Variants in PPP2CA observed in about 807,000 individuals in gnomAD.
PPP2CA encodes the protein serine/threonine-protein phosphatase 2A catalytic subunit alpha isoform.
PPP2CA carries 5 observed loss-of-function variants against 38.8 expected under a neutral mutation model. The ratio of observed to expected loss-of-function variants is 0.13; its 90% CI spans 0.07 to 0.27. The LOEUF is 0.27. Ranked by LOEUF, PPP2CA falls within the 10% of genes least tolerant of loss-of-function variation. PPP2CA has a pLI of 1.00. For synonymous variants in PPP2CA, 152 were observed against 134.0 expected (o/e 1.13, Z -0.93); for missense variants, 88 against 389.7 (o/e 0.23, Z 6.52).
intron 1 of PPP2CA, among the ~76,000 whole-genome samples, chr5:134,212,814 T>C (rs1277741715): frequency 6.6e-6 from 1 of 152,212 alleles, no homozygotes; most frequent in Non-Finnish European, 1.5e-5. Flanking sequence ...AAAGTTTTAG[T>C]GGTCTGGATA....
chr5:134,223,530 C>T (rs1041688523), intron 1 of PPP2CA, among the ~76,000 whole-genome samples: 2 of 152,194 alleles, frequency 1.3e-5, no homozygotes, highest in Non-Finnish European at 2.9e-5. Flanking sequence ...TATATAACAC[C>T]TACTCTCAAA....
At chr5:134,225,486 CT>C in intron 1 of PPP2CA, 1 of 398,078 alleles carries the variant, frequency 2.5e-6, no homozygotes, top group Non-Finnish European at 4.6e-6. Context: ...TCCGCTCCCC[CT>C]GCCACCTCGT....
rs1761878951 is a variant in PPP2CA at position 134,197,487 on chromosome 5, T to C, written c.*285A>G. The C allele has an allele frequency of 2.5e-6, 1 of 397,780 alleles. No homozygotes were observed. Among genetic ancestry groups the C allele is most frequent in the African/African-American group, 2.0e-5 (1 of 50,706 alleles). The allele number at this position is 397,780 out of a possible 1,614,324, so 24.6% of individuals were successfully genotyped here. A position where few individuals can be genotyped will look rare whatever the true frequency, so the allele number is the denominator to read the frequency against. On this transcript the variant is annotated 3_prime_UTR_variant, in exon 7 of 7. Coordinates refer to ENST00000481195, the MANE Select transcript of PPP2CA (RefSeq NM_002715.4). Reference sequence around the variant, plus strand: ...AATGTTTACATCTTATTATCTGCAGTCTCTCAGAGAAAGCAAAAGTAACTA... The same window carrying C: ...AATGTTTACATCTTATTATCTGCAGCCTCTCAGAGAAAGCAAAAGTAACTA...
At chr5:134,211,992 C>T (rs981317701) in intron 1 of PPP2CA, among the ~76,000 whole-genome samples, 1 of 152,052 alleles carries the variant, frequency 6.6e-6, no homozygotes, top group Non-Finnish European at 1.5e-5. Flanking sequence ...TGGTGGCAGG[C>T]ACCTGTAATC....
intron 1 of PPP2CA, among the ~76,000 whole-genome samples, chr5:134,216,448 G>A (rs1762322177): frequency 6.7e-6 from 1 of 148,210 alleles, no homozygotes; most frequent in African/African-American, 2.5e-5. Context: ...GCTGAAGCTG[G>A]AGAATCACTT....
chr5:134,222,905 TA>T (rs1288461402), intron 1 of PPP2CA, among the ~76,000 whole-genome samples: 1 of 152,208 alleles, frequency 6.6e-6, no homozygotes, highest in African/African-American at 2.4e-5. Context: ...GTCAGTAACA[TA>T]AAAACCATGT....
chr5:134,200,517 AT>A, intron 4 of PPP2CA, 21 bp from the exon 5 acceptor site: 1 of 1,607,446 alleles, frequency 6.2e-7, no homozygotes, highest in Non-Finnish European at 8.5e-7. Context: ...ACTTCAAGTT[AT>A]AAAATGCCTT....
At position 134,195,370 on chromosome 5, in the gene PPP2CA, C is replaced by T. The variant is rs1761826315; in HGVS notation, c.*2402G>A. On this transcript the variant is annotated 3_prime_UTR_variant, in exon 7 of 7. Coordinates refer to ENST00000481195, the MANE Select transcript of PPP2CA (RefSeq NM_002715.4). ...GGCTCAGGCGATCCTCTCACCTCAG[C>T]CTCCCAAGTAGCTGGGACTATGGTA... is the stretch of plus-strand genomic sequence containing the variant. 6.6e-6 allele frequency: 1 copy of T among 152,226 alleles called. No individual in the cohort carries two copies. Among genetic ancestry groups the T allele is most frequent in the African/African-American group, 2.4e-5 (1 of 41,432 alleles). The allele number at this position is 152,226 out of a possible 1,614,324, so 9.4% of individuals were successfully genotyped here.
Position 134,196,667 on chromosome 5 carries a change from C to T in PPP2CA, c.*1105G>A, listed in dbSNP as rs1160838359. On this transcript the variant is annotated 3_prime_UTR_variant, in exon 7 of 7. Coordinates refer to ENST00000481195, the MANE Select transcript of PPP2CA (RefSeq NM_002715.4). ...CATTTTAAAGAGTCCATATAATATACACATAGCAATATAATATTCATAACC... is the reference window on the plus strand; with the variant it reads ...CATTTTAAAGAGTCCATATAATATATACATAGCAATATAATATTCATAACC... The T allele has an allele frequency of 6.6e-6, 1 of 152,188 alleles. No homozygotes were observed. Among genetic ancestry groups the T allele is most frequent in the Admixed American group, 6.5e-5 (1 of 15,274 alleles). The allele number at this position is 152,188 out of a possible 1,614,324, so 9.4% of individuals were successfully genotyped here.
chr5:134,219,657 C>T (rs1295219857), intron 1 of PPP2CA, among the ~76,000 whole-genome samples: 1 of 152,112 alleles, frequency 6.6e-6, no homozygotes, highest in African/African-American at 2.4e-5. Flanking sequence ...CTTGTTCATC[C>T]ATTCTAAACC....
At chr5:134,225,498 C>G in intron 1 of PPP2CA, 1 of 414,518 alleles carries the variant, frequency 2.4e-6, no homozygotes, top group South Asian at 3.1e-5. Flanking sequence ...GCCACCTCGT[C>G]TGGCGCCAAG....
rs147066435 is a variant in PPP2CA, at chr5:134,206,102, G to A, written c.132C>T (p.Asn44=). The A allele has an allele frequency of 1.4e-4, 225 of 1,614,020 alleles. No homozygotes were observed. The highest frequency in any genetic ancestry group is 1.8e-4 in the Non-Finnish European group (212 of 1,179,932). ...KAKEILTKES[N]VQEVRCPVTV... is the part of the protein sequence containing the mutation. ...TAACTGGACATCGAACCTCTTGCAC[G>A]TTGGATTCTTTTGTCAGGATTTCTT... The change falls in exon 2 of 7, where the codon AAC becomes AAT. Residue 44 remains asparagine (N), a synonymous_variant. Transcript: ENST00000481195.
At chr5:134,206,734 A>T (rs558906818) in intron 1 of PPP2CA, among the ~76,000 whole-genome samples, 1 of 152,210 alleles carries the variant, frequency 6.6e-6, no homozygotes, top group Non-Finnish European at 1.5e-5. Flanking sequence ...GATTACATGC[A>T]TAAGCCACCT....
In PPP2CA at chr5:134,195,529, T is replaced by A. The variant is rs1761830576; in HGVS notation, c.*2243A>T. On this transcript the variant is annotated 3_prime_UTR_variant, in exon 7 of 7. Transcript: ENST00000481195. ...TCCCAAAGTGCTGGGATTACAGGCA[T>A]GAGCCACTGTGCCAGGCCTGTTCTT... The A allele has an allele frequency of 6.6e-6, 1 of 152,242 alleles. No individual in the cohort carries two copies. Among genetic ancestry groups the A allele is most frequent in the South Asian group, 2.1e-4 (1 of 4,838 alleles). 9.4% of individuals were successfully genotyped at this position (152,242 alleles called of 1,614,324 possible). A position where few individuals can be genotyped will look rare whatever the true frequency, so the allele number is the denominator to read the frequency against.
chr5:134,205,364 C>T (rs1315082529), intron 2 of PPP2CA, among the ~76,000 whole-genome samples: 1 of 149,084 alleles, frequency 6.7e-6, no homozygotes, highest in African/African-American at 2.5e-5. Flanking sequence ...TCTATTTGAC[C>T]AGCCCTCTAA....
chr5:134,222,578 CAT>C (rs781264392), intron 1 of PPP2CA, among the ~76,000 whole-genome samples: 12 of 152,012 alleles, frequency 7.9e-5, no homozygotes, highest in South Asian at 2.1e-4. Flanking sequence ...ACGTTCTCCA[CAT>C]GTTTGGTAAG....
rs576979970 is a variant in PPP2CA at position 134,212,705 on chromosome 5, A to G, written c.103-6574T>C. Among the ~76,000 whole-genome samples, 19 of 152,386 alleles carry G rather than the reference A, an allele frequency of 1.2e-4. No homozygotes were observed. In the East Asian group the frequency reaches 3.7e-3, roughly 29 times the overall value. On this transcript the variant is annotated intron_variant, in intron 1 of 6. Coordinates refer to ENST00000481195, the MANE Select transcript of PPP2CA (RefSeq NM_002715.4). ...GCTTCTTGCACCAAACTGCTAAGGTATAAATGCAAAGGAAAAGTTCTTTAA... is the reference window on the plus strand; with the variant it reads ...GCTTCTTGCACCAAACTGCTAAGGTGTAAATGCAAAGGAAAAGTTCTTTAA...
intron 1 of PPP2CA, among the ~76,000 whole-genome samples, chr5:134,225,288 G>A (rs1420670536): frequency 6.6e-6 from 1 of 152,182 alleles, no homozygotes. Context: ...CTTTAGGTAT[G>A]TTCTGGGATA....
chr5:134,220,372 C>T (rs1026696218), intron 1 of PPP2CA, among the ~76,000 whole-genome samples: 6 of 135,510 alleles, frequency 4.4e-5, no homozygotes, highest in Non-Finnish European at 7.7e-5. Context: ...GGCAGGAGAA[C>T]TGCTTGAACT....
Sources: allele counts gnomAD v4.1 joint callset (sites outside exome capture counted in the v4.1 genomes callset), GRCh38; gene constraint gnomAD v4.1.1; transcripts MANE v1.5; gene names NCBI Gene and HGNC (gene_info 2026-07-23, HGNC 2026-07-21).